The following PCDHA9 variants were observed in gnomAD, a reference collection of about 807,000 sequenced individuals.
PCDHA9 encodes protocadherin alpha 9.
A neutral mutation model predicts 62.0 loss-of-function variants in PCDHA9; 62 were observed. That is an observed-to-expected ratio of 1.00 (90% CI 0.81 to 1.23). The LOEUF (loss-of-function observed/expected upper bound fraction) is 1.23, where lower values mean the gene tolerates loss of function less well. Among genes scored for constraint, PCDHA9 ranks in the 50% most tolerant of loss-of-function variants. PCDHA9 has a pLI of 0.00. For missense variants in PCDHA9, 1,205 were observed against 1,249.8 expected, an observed-to-expected ratio of 0.96 and a Z score of 0.54; for synonymous variants, 557 against 567.6, an observed-to-expected ratio of 0.98 and a Z score of 0.27.
Position 140,889,022 on chromosome 5 carries a change from G to A in PCDHA9, c.2394+38133G>A, listed in dbSNP as rs183317307. Among the ~76,000 whole-genome samples the A allele has an allele frequency of 5.5e-3, 837 of 151,922 alleles. 11 individuals are homozygous for A. The highest frequency in any genetic ancestry group is 0.019 in the African/African-American group (781 of 41,426). ...TGGCAAACCAACCTCTACTTCCTTG[G>A]ATAACCGTAATTTGATTATAATTTA... On this transcript the variant is annotated intron_variant, in intron 1 of 3. Coordinates refer to ENST00000532602, the MANE Select transcript of PCDHA9 (RefSeq NM_031857.2).
chr5:140,852,577 T>G, intron 1 of PCDHA9: 3 of 825,200 alleles, frequency 3.6e-6, no homozygotes, highest in Non-Finnish European at 3.0e-6. Flanking sequence ...TGCCAAGGCT[T>G]TTTTATTTTT....
At chr5:140,952,962 C>A (rs246032) in intron 1 of PCDHA9, among the ~76,000 whole-genome samples, 85,448 of 151,620 alleles carry the variant, frequency 0.56, 24,697 homozygotes, top group African/African-American at 0.69. Context: ...GGAAGTGATA[C>A]ACACTTTTAA....
rs2150432848 is a variant in PCDHA9, at chr5:140,849,209, T to C, written c.714T>C (p.Asn238=). Residue 238 remains asparagine, a synonymous_variant, in exon 1 of 4, where the codon AAT becomes AAC. Coordinates refer to ENST00000532602, the MANE Select transcript of PCDHA9 (RefSeq NM_031857.2). ...LLITVLDNND[N]APVFDRTLYT... is the part of the protein sequence containing the mutation. ...TCACGGTACTGGACAACAATGACAA[T>C]GCCCCAGTGTTCGACAGAACCCTGT... 32 of 1,032,540 alleles carry C rather than the reference T, an allele frequency of 3.1e-5. 2 individuals carry two copies. In the African/African-American group the frequency reaches 5.7e-4, roughly 18 times the overall value. The allele number at this position is 1,032,540 out of a possible 1,614,324, so 64.0% of individuals were successfully genotyped here. A position where few individuals can be genotyped will look rare whatever the true frequency, so the allele number is the denominator to read the frequency against.
At position 141,011,086 on chromosome 5, in the gene PCDHA9, C is replaced by T. The variant is rs1181884726; in HGVS notation, c.*1149C>T. The T allele has an allele frequency of 2.6e-5, 4 of 153,678 alleles. No homozygotes were observed. Among genetic ancestry groups the T allele is most frequent in the African/African-American group, 9.7e-5 (4 of 41,430 alleles). The allele number at this position is 153,678 out of a possible 1,614,324, so 9.5% of individuals were successfully genotyped here. On this transcript the variant is annotated 3_prime_UTR_variant, in exon 4 of 4. Coordinates refer to ENST00000532602, the MANE Select transcript of PCDHA9 (RefSeq NM_031857.2). ...TGTATTACTAAATAAAATGATCTCT[C>T]TTTCTCTCTCTCTCTCTCTTTTCTA...
intron 1 of PCDHA9, among the ~76,000 whole-genome samples, chr5:140,886,628 C>T (rs1305924545): frequency 6.6e-6 from 1 of 151,764 alleles, no homozygotes; most frequent in African/African-American, 2.4e-5. Context: ...GAGTCCGAGA[C>T]CAGCCTGGCC....
chr5:140,859,624 G>A (rs11749013), intron 1 of PCDHA9: 1 of 160,568 alleles, frequency 6.2e-6, no homozygotes, highest in Non-Finnish European at 1.4e-5. Flanking sequence ...TTCTCTTTGA[G>A]TATGGAGATT....
chr5:140,988,707 G>A (rs2097310016), intron 3 of PCDHA9, among the ~76,000 whole-genome samples: 1 of 152,106 alleles, frequency 6.6e-6, no homozygotes, highest in African/African-American at 2.4e-5. Context: ...TATTTTCTTG[G>A]ACCTCTCATT....
chr5:140,883,402 C>T lies in PCDHA9; in HGVS notation c.2394+32513C>T. ...CCCTAATCAGTGTGTCCGATCGTGACTCTGGCTCAAATGGACAGGTCACCT... is the reference window on the plus strand; with the variant it reads ...CCCTAATCAGTGTGTCCGATCGTGATTCTGGCTCAAATGGACAGGTCACCT... On this transcript the variant is annotated intron_variant, in intron 1 of 3. Coordinates refer to ENST00000532602, the MANE Select transcript of PCDHA9 (RefSeq NM_031857.2). 4 of 1,614,192 alleles carry T rather than the reference C, an allele frequency of 2.5e-6. No individual in the cohort carries two copies. The South Asian group carries it at 3.3e-5, about 13-fold the overall frequency.
At chr5:140,939,262 T>G (rs1371349789) in intron 1 of PCDHA9, among the ~76,000 whole-genome samples, 1 of 152,146 alleles carries the variant, frequency 6.6e-6, no homozygotes, top group Non-Finnish European at 1.5e-5. Context: ...GGAACCTCTT[T>G]TATGAGAGCT....
rs527281567 is a variant in PCDHA9 at position 140,992,060 on chromosome 5, A to T, written c.2542+9497A>T. Among the ~76,000 whole-genome samples the T allele has an allele frequency of 3.3e-3, 484 of 147,642 alleles. 5 individuals are homozygous for T. Among genetic ancestry groups the T allele is most frequent in the South Asian group, 0.015 (69 of 4,700 alleles). On this transcript the variant is annotated intron_variant, in intron 3 of 3. Transcript: ENST00000532602. The stretch of plus-strand genomic sequence containing the variant: ...GTGTGTGTGTGTGTGTGTGTAAGTT[A>T]ATTTCAGTAGAGAATGAGCTAGAGT...
intron 1 of PCDHA9, among the ~76,000 whole-genome samples, chr5:140,879,457 T>A (rs1554170803): frequency 6.6e-6 from 1 of 152,176 alleles, no homozygotes; most frequent in Non-Finnish European, 1.5e-5. Context: ...TTTGAAGTCC[T>A]AAGAGAATAC....
intron 1 of PCDHA9, among the ~76,000 whole-genome samples, chr5:140,900,263 G>A (rs909474202): frequency 2.0e-5 from 3 of 151,830 alleles, no homozygotes; most frequent in African/African-American, 7.3e-5. Flanking sequence ...GTACTCCATT[G>A]TGTATATGTA....
rs782448077 is a variant in PCDHA9 at position 140,870,373 on chromosome 5, G to T, written c.2394+19484G>T. 68 of 1,614,118 alleles carry T rather than the reference G, an allele frequency of 4.2e-5. No individual in the cohort carries two copies. In the Admixed American group the frequency reaches 5.3e-4, roughly 13 times the overall value. On this transcript the variant is annotated intron_variant, in intron 1 of 3. Coordinates refer to ENST00000532602, the MANE Select transcript of PCDHA9 (RefSeq NM_031857.2). The stretch of plus-strand genomic sequence containing the variant: ...GAACGTGTGGGCCTATGAACTGGTG[G>T]TGACTGCGCGGGATGGGGGTTCGCC...
intron 1 of PCDHA9, among the ~76,000 whole-genome samples, chr5:140,947,556 A>C (rs1281977555): frequency 1.3e-5 from 2 of 151,584 alleles, no homozygotes; most frequent in Admixed American, 6.6e-5. Flanking sequence ...TTCCGCTGGG[A>C]TTTATATTGG....
chr5:141,003,588 T>C (rs558863784), intron 3 of PCDHA9, among the ~76,000 whole-genome samples: 65 of 152,252 alleles, frequency 4.3e-4, no homozygotes, highest in African/African-American at 1.3e-3. Context: ...GCTGGGATTT[T>C]AGATGTGAGC....
chr5:140,920,692 A>T (rs552577858), intron 1 of PCDHA9, among the ~76,000 whole-genome samples: 7 of 152,114 alleles, frequency 4.6e-5, no homozygotes, highest in Non-Finnish European at 7.4e-5. Flanking sequence ...AAAAATACAA[A>T]CATTAGCTTG....
chr5:140,850,243 G>T lies in PCDHA9; in HGVS notation c.1748G>T (p.Arg583Leu), dbSNP rs2150475215. 2 of 1,593,880 alleles carry T rather than the reference G, an allele frequency of 1.3e-6. No homozygotes were observed. The highest frequency in any genetic ancestry group is 1.3e-5 in the African/African-American group (1 of 74,400). ...TDGAVSEMVL[R>L]SVGAGVVVGK... ...GGCGCAGTGAGCGAGATGGTGCTGC[G>T]GTCGGTGGGCGCCGGCGTAGTGGTG... The change falls in exon 1 of 4, where the codon CGG (arginine) becomes CTG (leucine). Residue 583 changes from arginine to leucine, a missense_variant. This residue lies in a region of PCDHA9 where 887 missense variants were observed against 809.5 expected (regional missense o/e 1.10). Transcript: ENST00000532602.
intron 1 of PCDHA9, chr5:140,870,649 G>T (rs533111347): frequency 1.2e-6 from 2 of 1,612,592 alleles, no homozygotes; most frequent in Non-Finnish European, 1.7e-6. Flanking sequence ...GAGCGGCAAG[G>T]TGTACGCGCT....
chr5:140,877,242 G>A, intron 1 of PCDHA9: 1 of 1,613,732 alleles, frequency 6.2e-7, no homozygotes, highest in Non-Finnish European at 8.5e-7. Flanking sequence ...CGGGCCACGT[G>A]GTGGCGAAAG....
Sources: gnomAD v4.1 joint callset for allele counts (sites outside exome capture counted in the v4.1 genomes callset) on GRCh38, gnomAD v4.1.1 for gene constraint, gnomAD v4.1.1 regional missense constraint, MANE v1.5 for transcripts, NCBI Gene and HGNC (gene_info 2026-07-23, HGNC 2026-07-21) for gene names.